The following MYO16 variants were observed in gnomAD, a reference collection of about 807,000 sequenced individuals.
MYO16 encodes myosin XVI.
Under a neutral mutation model 205.3 loss-of-function variants are expected in MYO16, and 94 were observed. That is an observed-to-expected ratio of 0.46 (90% CI 0.39 to 0.54). MYO16 has a LOEUF of 0.54. Among genes scored for constraint, MYO16 ranks in the 20% least tolerant of loss-of-function variants. The pLI, the probability that MYO16 is intolerant of heterozygous loss-of-function variation, is 0.00. For synonymous variants in MYO16, 988 were observed against 954.0 expected (o/e 1.04, Z -0.66); for missense variants, 2,315 against 2,387.5 (o/e 0.97, Z 0.63).
At chr13:109,187,404 T>C (rs1198235922) in intron 34 of MYO16, among the ~76,000 whole-genome samples, 2 of 152,328 alleles carry the variant, frequency 1.3e-5, no homozygotes, top group African/African-American at 4.8e-5. Flanking sequence ...TCTTTTCTTT[T>C]GCTTGCTTTG....
At chr13:108,791,957 A>C (rs1480669370) in intron 5 of MYO16, among the ~76,000 whole-genome samples, 1 of 152,242 alleles carries the variant, frequency 6.6e-6, no homozygotes, top group Non-Finnish European at 1.5e-5. Context: ...ATAAGAGACA[A>C]AGTGCTCAGA....
intron 2 of MYO16, among the ~76,000 whole-genome samples, chr13:108,690,278 T>G (rs7997436): frequency 0.52 from 77,770 of 148,972 alleles, 20,800 homozygotes; most frequent in East Asian, 0.69. Context: ...TTTCTTTATT[T>G]TCCTTTGCAC....
intron 16 of MYO16, among the ~76,000 whole-genome samples, chr13:108,949,683 G>T (rs1247418336): frequency 1.3e-5 from 2 of 152,058 alleles, no homozygotes; most frequent in African/African-American, 4.8e-5. Context: ...TCTAAAATTT[G>T]TATGTAAAGG....
At chr13:109,001,037 AAC>A (rs1289323900) in intron 21 of MYO16, among the ~76,000 whole-genome samples, 1 of 152,044 alleles carries the variant, frequency 6.6e-6, no homozygotes, top group African/African-American at 2.4e-5. Context: ...ATTTGTGTAA[AAC>A]AATGTCTTTA....
the MYO16 span, among the ~76,000 whole-genome samples, chr13:108,586,402 A>G: frequency 6.6e-6 from 1 of 152,166 alleles, no homozygotes; most frequent in East Asian, 1.9e-4. Flanking sequence ...TTAAATTCAA[A>G]AAAAATATTT....
At chr13:108,601,953 C>T (rs879524037) in intron 1 of MYO16, among the ~76,000 whole-genome samples, 2 of 151,854 alleles carry the variant, frequency 1.3e-5, no homozygotes, top group African/African-American at 2.4e-5. Flanking sequence ...TATGTTGAAC[C>T]GAAATCCCCA....
At chr13:108,559,470 C>CTTTTTTTTT in the MYO16 span, among the ~76,000 whole-genome samples, 13 of 87,412 alleles carry the variant, frequency 1.5e-4, no homozygotes, top group East Asian at 1.4e-3. Flanking sequence ...TTTTTCTTTT[C>CTTTTTTTTT]TTTTTTTTTT....
intron 2 of MYO16, among the ~76,000 whole-genome samples, chr13:108,705,474 G>A (rs146800448): frequency 2.6e-5 from 4 of 152,308 alleles, no homozygotes; most frequent in East Asian, 3.9e-4. Context: ...ATATTTTGAA[G>A]AGAGAAGGAG....
intron 16 of MYO16, among the ~76,000 whole-genome samples, chr13:108,929,445 A>G (rs1383087011): frequency 6.6e-6 from 1 of 152,236 alleles, no homozygotes; most frequent in Non-Finnish European, 1.5e-5. Flanking sequence ...AGGTAATATG[A>G]AAATAGACAC....
rs768134568 is a variant in MYO16, at chr13:109,125,076, T to G, written c.3536-36T>G. On this transcript the variant is annotated intron_variant, in intron 29 of 34. Coordinates refer to ENST00000457511, the MANE Select transcript of MYO16 (RefSeq NM_001198950.3). This position sits in a 1 kb window ranked among gnomAD's most constrained non-coding sequence, Gnocchi z 4.0. ...TGTGCATGTCTGAGTTTTTCACTTT[T>G]CCTCCATTTACTAACCCATGATCCT... The G allele has an allele frequency of 5.0e-6, 8 of 1,603,084 alleles. No individual in the cohort carries two copies. The highest frequency in any genetic ancestry group is 6.8e-6 in the Non-Finnish European group (8 of 1,174,706).
At chr13:108,595,148 C>T (rs967343397), upstream of MYO16, among the ~76,000 whole-genome samples, 1 of 152,192 alleles carries the variant, frequency 6.6e-6, no homozygotes, top group African/African-American at 2.4e-5. Flanking sequence ...GAGTACATGG[C>T]ATCTCTCTTC....
intron 3 of MYO16, among the ~76,000 whole-genome samples, chr13:108,725,802 C>T (rs1175405267): frequency 6.6e-6 from 1 of 152,116 alleles, no homozygotes; most frequent in African/African-American, 2.4e-5. Context: ...ATTTAGCCAC[C>T]CTGGTCTCTC....
intron 5 of MYO16, among the ~76,000 whole-genome samples, chr13:108,792,896 G>A (rs1475514058): frequency 2.0e-5 from 3 of 151,916 alleles, no homozygotes; most frequent in East Asian, 1.9e-4. Context: ...ATCAAAAACT[G>A]TATCTTTGTT....
the MYO16 span, among the ~76,000 whole-genome samples, chr13:108,557,685 T>G: frequency 6.6e-6 from 1 of 152,126 alleles, no homozygotes; most frequent in Admixed American, 6.5e-5. Flanking sequence ...GTATGTGTAT[T>G]ATAAAACCTT....
intron 1 of MYO16, among the ~76,000 whole-genome samples, chr13:108,634,482 C>T (rs893579808): frequency 1.3e-5 from 2 of 152,048 alleles, no homozygotes; most frequent in Non-Finnish European, 2.9e-5. Context: ...AAGCAAAAGT[C>T]CCCCCTTGTT....
intron 8 of MYO16, among the ~76,000 whole-genome samples, chr13:108,821,530 G>C (rs116597293): frequency 6.6e-6 from 1 of 152,144 alleles, no homozygotes; most frequent in African/African-American, 2.4e-5. Flanking sequence ...CGTGTTTACT[G>C]TGAGTACAAG....
At chr13:108,659,330 A>ACAG in intron 1 of MYO16, 1 of 380,652 alleles carries the variant, frequency 2.6e-6, no homozygotes, top group Non-Finnish European at 5.2e-6. Flanking sequence ...ATATATACAC[A>ACAG]CACATACACA....
chr13:108,986,121 A>G (rs968575878), intron 20 of MYO16, among the ~76,000 whole-genome samples: 2 of 152,146 alleles, frequency 1.3e-5, no homozygotes, highest in Admixed American at 6.5e-5. Flanking sequence ...CTTATTCACT[A>G]TCATGAGATT....
chr13:108,662,789 G>T (rs896710692), intron 1 of MYO16, among the ~76,000 whole-genome samples: 1 of 152,138 alleles, frequency 6.6e-6, no homozygotes, highest in African/African-American at 2.4e-5. Flanking sequence ...TTCTGGCCAG[G>T]ATGCTTCTCA....
Sources: allele counts gnomAD v4.1 joint callset (sites outside exome capture counted in the v4.1 genomes callset), GRCh38; gene constraint gnomAD v4.1.1; non-coding constraint Gnocchi (gnomAD v3.1); transcripts MANE v1.5; gene names NCBI Gene and HGNC (gene_info 2026-07-23, HGNC 2026-07-21).